The following RRP15 variants were observed in gnomAD, a reference collection of about 807,000 sequenced individuals.
RRP15 encodes ribosomal RNA processing 15 homolog, also known as RRP15-like protein.
Under a neutral mutation model 27.1 loss-of-function variants are expected in RRP15, and 18 were observed. That is an observed-to-expected ratio of 0.66 (90% confidence interval 0.46 to 0.98). RRP15 has a LOEUF of 0.98. RRP15 is among the 50% of genes least tolerant of loss of function. The pLI, the probability that RRP15 is intolerant of heterozygous loss-of-function variation, is 0.00. For synonymous variants in RRP15, 107 were observed against 109.4 expected (o/e 0.98, Z 0.14); for missense variants, 359 against 337.8 (o/e 1.06, Z -0.49).
chr1:218,307,721 GT>G lies in RRP15; in HGVS notation c.705+93del, dbSNP rs560332509. ...GAAAACCAGACTATAGAATTACAGA[GT>G]TTTGTGTTTTTTTCCTAAATTTTAT... is the stretch of plus-strand genomic sequence containing the variant. On this transcript the variant is annotated intron_variant, in intron 4 of 4. Coordinates refer to ENST00000366932, the MANE Select transcript of RRP15 (RefSeq NM_016052.4). 502 of 896,166 alleles carry G rather than the reference GT, an allele frequency of 5.6e-4. No homozygotes were observed. In the African/African-American group the frequency reaches 7.9e-3, roughly 14 times the overall value. 55.5% of individuals were successfully genotyped at this position (896,166 alleles called of 1,614,324 possible).
At chr1:218,311,258 G>C (rs183496314) in intron 4 of RRP15, among the ~76,000 whole-genome samples, 1 of 151,882 alleles carries the variant, frequency 6.6e-6, no homozygotes. Context: ...ATCAGTACTA[G>C]ATACTATCTT....
intron 4 of RRP15, among the ~76,000 whole-genome samples, chr1:218,327,401 T>C: frequency 6.6e-6 from 1 of 151,092 alleles, no homozygotes. Context: ...CTCCTCCTCC[T>C]AAGTGATTCT....
chr1:218,312,540 T>C (rs1656019312), intron 4 of RRP15, among the ~76,000 whole-genome samples: 1 of 152,146 alleles, frequency 6.6e-6, no homozygotes. Context: ...AAATGTTGAA[T>C]GTTAAATTCA....
At chr1:218,303,774 A>G (rs760567855) in intron 2 of RRP15, among the ~76,000 whole-genome samples, 6 of 152,198 alleles carry the variant, frequency 3.9e-5, no homozygotes, top group Non-Finnish European at 5.9e-5. Flanking sequence ...GAAGCAAGAC[A>G]TGGCAGCTAC....
intron 4 of RRP15, among the ~76,000 whole-genome samples, chr1:218,328,585 C>T (rs1231336247): frequency 6.6e-6 from 1 of 152,084 alleles, no homozygotes; most frequent in Admixed American, 6.5e-5. Context: ...ATGGCGTGAA[C>T]CCGGGAGGCG....
chr1:218,309,512 GTC>G (rs1382821844), intron 4 of RRP15, among the ~76,000 whole-genome samples: 4 of 151,674 alleles, frequency 2.6e-5, no homozygotes, highest in Admixed American at 2.6e-4. Context: ...GTGAAACACT[GTC>G]TCTACTAAAA....
Position 218,305,148 on chromosome 1 carries a change from T to TA in RRP15, c.503+29dup, listed in dbSNP as rs760866609. The TA allele has an allele frequency of 6.0e-4, 934 of 1,561,628 alleles. 3 individuals are homozygous for TA. The highest frequency in any genetic ancestry group is 2.2e-3 in the Middle Eastern group (13 of 5,934). On this transcript the variant is annotated intron_variant, in intron 3 of 4. Coordinates refer to ENST00000366932, the MANE Select transcript of RRP15 (RefSeq NM_016052.4). The stretch of plus-strand genomic sequence containing the variant: ...AAGGTAAGGTAGTGTTTTTGCCCTT[T>TA]AAAAAATAAGTATACTAAAGCTATC...
intron 4 of RRP15, among the ~76,000 whole-genome samples, chr1:218,327,500 C>T (rs1183731394): frequency 6.6e-6 from 1 of 152,014 alleles, no homozygotes; most frequent in East Asian, 1.9e-4. Context: ...AGCGGGGTTT[C>T]ACCATGTTGG....
At chr1:218,297,820 T>G (rs1439329694) in intron 1 of RRP15, among the ~76,000 whole-genome samples, 1 of 152,208 alleles carries the variant, frequency 6.6e-6, no homozygotes, top group Admixed American at 6.5e-5. Flanking sequence ...TATTTGGCCT[T>G]TTATTGGAAG....
rs1285022887 is a variant in RRP15 at position 218,336,367 on chromosome 1, A to T, written c.*5276A>T. 6.6e-6 allele frequency: 1 copy of T among 152,646 alleles called. No individual in the cohort carries two copies. The highest frequency in any genetic ancestry group is 1.5e-5 in the Non-Finnish European group (1 of 68,056). 9.5% of individuals were successfully genotyped at this position (152,646 alleles called of 1,614,324 possible). ...ATAAATAATAGTTTCTCTAACCCTG[A>T]ATCATTATCCTGCATTTTTAATGCA... On this transcript the variant is annotated 3_prime_UTR_variant, in exon 5 of 5. Coordinates refer to ENST00000366932, the MANE Select transcript of RRP15 (RefSeq NM_016052.4).
At chr1:218,287,406 C>T (rs1041129112) in intron 1 of RRP15, among the ~76,000 whole-genome samples, 13 of 152,074 alleles carry the variant, frequency 8.5e-5, no homozygotes, top group African/African-American at 1.2e-4. Flanking sequence ...AGCCACATTA[C>T]GGGTTAAAAA....
At position 218,331,541 on chromosome 1, in the gene RRP15, T is replaced by C. The variant is rs1470246092; in HGVS notation, c.*450T>C. 2 of 151,984 alleles carry C rather than the reference T, an allele frequency of 1.3e-5. No homozygotes were observed. The highest frequency in any genetic ancestry group is 2.4e-5 in the African/African-American group (1 of 41,392). The allele number at this position is 151,984 out of a possible 1,614,324, so 9.4% of individuals were successfully genotyped here. A position where few individuals can be genotyped will look rare whatever the true frequency, so the allele number is the denominator to read the frequency against. Reference sequence around the variant, plus strand: ...TTTTTTGCTTTGTGTTGGGAAGTTATTGAGAAAACCTATATAATAAAATTT... The same window carrying C: ...TTTTTTGCTTTGTGTTGGGAAGTTACTGAGAAAACCTATATAATAAAATTT... On this transcript the variant is annotated 3_prime_UTR_variant, in exon 5 of 5. Transcript: ENST00000366932.
Position 218,335,219 on chromosome 1 carries a change from T to G in RRP15, c.*4128T>G, listed in dbSNP as rs1172692230. 1 of 152,190 alleles carries G rather than the reference T, an allele frequency of 6.6e-6. No individual in the cohort carries two copies. Among genetic ancestry groups the G allele is most frequent in the South Asian group, 2.1e-4 (1 of 4,828 alleles). 9.4% of individuals were successfully genotyped at this position (152,190 alleles called of 1,614,324 possible). ...ACTGAACATAATTTCAGGGAGTTAG[T>G]ATTTAGGACTTTTTACCTAGAGATG... On this transcript the variant is annotated 3_prime_UTR_variant, in exon 5 of 5. Coordinates refer to ENST00000366932, the MANE Select transcript of RRP15 (RefSeq NM_016052.4).
At chr1:218,327,719 A>C (rs1018671482) in intron 4 of RRP15, among the ~76,000 whole-genome samples, 1 of 152,050 alleles carries the variant, frequency 6.6e-6, no homozygotes, top group African/African-American at 2.4e-5. Context: ...TTTTTTTCCA[A>C]ATTGTTGCTT....
Position 218,306,642 on chromosome 1 carries a change from T to A in RRP15, c.504-789T>A, listed in dbSNP as rs533862824. Among the ~76,000 whole-genome samples the A allele has an allele frequency of 4.6e-5, 7 of 152,314 alleles. No homozygotes were observed. The South Asian group carries it at 1.5e-3, about 32-fold the overall frequency. On this transcript the variant is annotated intron_variant, in intron 3 of 4. Transcript: ENST00000366932. ...AGAGCCGGAAGGGATCTTAACAGTC[T>A]AAATCAACGCTATCCAGGAGAAATG...
At chr1:218,301,150 G>A (rs534607037) in intron 1 of RRP15, 1 of 152,306 alleles carries the variant, frequency 6.6e-6, no homozygotes, top group East Asian at 1.9e-4. Context: ...TCCAAAGAAA[G>A]TGCAGTTGTT....
At chr1:218,290,348 T>C (rs1402787106) in intron 1 of RRP15, among the ~76,000 whole-genome samples, 1 of 152,256 alleles carries the variant, frequency 6.6e-6, no homozygotes, top group African/African-American at 2.4e-5. Flanking sequence ...CCATTGCTTC[T>C]AGAGGAAATA....
intron 1 of RRP15, among the ~76,000 whole-genome samples, chr1:218,297,788 T>C (rs1340502844): frequency 6.6e-6 from 1 of 152,174 alleles, no homozygotes; most frequent in Non-Finnish European, 1.5e-5. Flanking sequence ...TTAAGATAAG[T>C]GCTAAGAGAA....
At chr1:218,303,372 T>C (rs772527685) in intron 2 of RRP15, among the ~76,000 whole-genome samples, 25 of 152,234 alleles carry the variant, frequency 1.6e-4, no homozygotes, top group Non-Finnish European at 3.1e-4. Context: ...CCATCTCCTT[T>C]TCTTGTTTCA....
Sources: allele counts gnomAD v4.1 joint callset (sites outside exome capture counted in the v4.1 genomes callset), GRCh38; gene constraint gnomAD v4.1.1; transcripts MANE v1.5; gene names NCBI Gene and HGNC (gene_info 2026-07-23, HGNC 2026-07-21).